The following MAGI2 variants were observed in gnomAD, a reference collection of about 807,000 sequenced individuals.
The protein encoded by MAGI2 is membrane associated guanylate kinase, WW and PDZ domain containing 2, also known as membrane-associated guanylate kinase, WW and PDZ domain-containing protein 2.
MAGI2 carries 35 observed loss-of-function variants against 133.3 expected under a neutral mutation model. That is an observed-to-expected ratio of 0.26 (90% CI 0.20 to 0.35). The LOEUF is 0.35. Ranked by LOEUF, MAGI2 falls within the 10% of genes least tolerant of loss-of-function variation. The probability of loss-of-function intolerance (pLI) is 1.00; values close to 1 mark genes in which losing one functional copy is unlikely to be tolerated. For synonymous variants in MAGI2, 729 were observed against 710.6 expected, an observed-to-expected ratio of 1.03 and a Z score of -0.41; for missense variants, 1,636 against 1,863.4, an observed-to-expected ratio of 0.88 and a Z score of 2.25.
chr7:79,306,287 T>C (rs937003253), intron 1 of MAGI2, among the ~76,000 whole-genome samples: 1 of 146,662 alleles, frequency 6.8e-6, no homozygotes, highest in Admixed American at 6.8e-5. Flanking sequence ...TATATGTATA[T>C]ATATTATTTA....
At chr7:79,323,973 T>C (rs1211605803) in intron 1 of MAGI2, among the ~76,000 whole-genome samples, 12 of 152,100 alleles carry the variant, frequency 7.9e-5, no homozygotes, top group Non-Finnish European at 1.8e-4. Flanking sequence ...GGGATGCTCC[T>C]GGGAAGCTAG....
intron 1 of MAGI2, among the ~76,000 whole-genome samples, chr7:79,053,231 C>T (rs542565609): frequency 6.6e-6 from 1 of 152,176 alleles, no homozygotes; most frequent in South Asian, 2.1e-4. Flanking sequence ...TCTTGGCCTC[C>T]CGAAGTGCTG....
chr7:78,248,156 G>A (rs1791997680), intron 10 of MAGI2, among the ~76,000 whole-genome samples: 1 of 152,198 alleles, frequency 6.6e-6, no homozygotes, highest in Admixed American at 6.5e-5. Flanking sequence ...TGGAGTCTAA[G>A]AAAGAAGGGG....
chr7:78,363,517 A>AATAATAATAATAATG (rs1258062580), intron 7 of MAGI2, among the ~76,000 whole-genome samples: 5 of 149,348 alleles, frequency 3.3e-5, no homozygotes, highest in African/African-American at 4.9e-5. Flanking sequence ...TAATGATAAT[A>AATAATAATAATAATG]ATAATAATAA....
intron 6 of MAGI2, among the ~76,000 whole-genome samples, chr7:78,407,385 T>G (rs1797475841): frequency 6.6e-6 from 1 of 150,844 alleles, no homozygotes; most frequent in Admixed American, 6.6e-5. Context: ...AAATATCAAA[T>G]AAAAAAAAAG....
chr7:78,763,578 G>A (rs552944345), intron 2 of MAGI2, among the ~76,000 whole-genome samples: 6 of 152,200 alleles, frequency 3.9e-5, no homozygotes, highest in Admixed American at 2.0e-4. Flanking sequence ...AACACCTAAA[G>A]GACTGTGTGT....
At chr7:79,239,087 C>CT (rs1832170261) in intron 1 of MAGI2, among the ~76,000 whole-genome samples, 1 of 152,108 alleles carries the variant, frequency 6.6e-6, no homozygotes, top group African/African-American at 2.4e-5. Context: ...CAGCTATGCA[C>CT]TTGCACACCA....
chr7:78,415,188 G>GA (rs1798189708), intron 6 of MAGI2, among the ~76,000 whole-genome samples: 2 of 152,036 alleles, frequency 1.3e-5, no homozygotes, highest in Non-Finnish European at 2.9e-5. Flanking sequence ...ATAAGATTAA[G>GA]TTATATCTTC....
At chr7:78,817,647 T>G (rs1470040176) in intron 2 of MAGI2, among the ~76,000 whole-genome samples, 1 of 152,174 alleles carries the variant, frequency 6.6e-6, no homozygotes, top group Non-Finnish European at 1.5e-5. Context: ...ATAAAGTATG[T>G]TTAACATATG....
intron 2 of MAGI2, among the ~76,000 whole-genome samples, chr7:78,907,901 A>G (rs1283101887): frequency 1.3e-5 from 2 of 152,238 alleles, no homozygotes; most frequent in African/African-American, 2.4e-5. Context: ...TTAACTATTT[A>G]AAGCACTGAA....
At chr7:78,658,541 G>A (rs749871145) in intron 2 of MAGI2, among the ~76,000 whole-genome samples, 1 of 152,018 alleles carries the variant, frequency 6.6e-6, no homozygotes, top group Non-Finnish European at 1.5e-5. Context: ...GACAAAATAC[G>A]GCCTGGGAAA....
intron 1 of MAGI2, among the ~76,000 whole-genome samples, chr7:79,174,975 T>G (rs535910857): frequency 2.0e-5 from 3 of 152,014 alleles, no homozygotes; most frequent in African/African-American, 7.2e-5. Flanking sequence ...GTTAGTGCTC[T>G]TGGGCCAAGT....
chr7:78,536,403 C>T (rs1434036775), intron 3 of MAGI2, among the ~76,000 whole-genome samples: 1 of 152,044 alleles, frequency 6.6e-6, no homozygotes, highest in East Asian at 1.9e-4. Context: ...TGAGCCACCG[C>T]GCCCGGCCGA....
chr7:78,422,966 G>A (rs1798934818), intron 6 of MAGI2, among the ~76,000 whole-genome samples: 1 of 152,070 alleles, frequency 6.6e-6, no homozygotes, highest in Non-Finnish European at 1.5e-5. Flanking sequence ...AAGTAAATAG[G>A]TTCAACAAAG....
intron 1 of MAGI2, among the ~76,000 whole-genome samples, chr7:79,396,592 G>C (rs10248439): frequency 0.16 from 23,795 of 152,010 alleles, 2,122 homozygotes; most frequent in African/African-American, 0.23. Context: ...GCCCTATACA[G>C]CTCTAATCTG....
At chr7:78,649,612 A>C (rs959284649) in intron 2 of MAGI2, among the ~76,000 whole-genome samples, 1 of 152,194 alleles carries the variant, frequency 6.6e-6, no homozygotes, top group Non-Finnish European at 1.5e-5. Context: ...ACACCTGGCT[A>C]TAAGAGTAAT....
chr7:78,137,539 G>A (rs1822282520), intron 16 of MAGI2, among the ~76,000 whole-genome samples: 1 of 152,112 alleles, frequency 6.6e-6, no homozygotes, highest in African/African-American at 2.4e-5. Context: ...CTTTCCACAT[G>A]GGGTAAACCT....
chr7:79,412,271 T>A (rs1011286744), intron 1 of MAGI2: 2 of 152,128 alleles, frequency 1.3e-5, no homozygotes, highest in African/African-American at 2.4e-5. Flanking sequence ...TGTACAGTAG[T>A]ATTTCCAAGG....
intron 20 of MAGI2, among the ~76,000 whole-genome samples, chr7:78,082,122 T>C (rs1334393403): frequency 1.3e-5 from 2 of 152,180 alleles, no homozygotes; most frequent in African/African-American, 4.8e-5. Context: ...CCAAAAACCA[T>C]GTGGAGGGCA....
Sources: allele counts gnomAD v4.1 joint callset (sites outside exome capture counted in the v4.1 genomes callset), GRCh38; gene constraint gnomAD v4.1.1; transcripts MANE v1.5; gene names NCBI Gene and HGNC (gene_info 2026-07-23, HGNC 2026-07-21).